HECTD2: variants seen among roughly 807,000 people sequenced by gnomAD.
HECTD2 encodes the protein probable E3 ubiquitin-protein ligase HECTD2.
A neutral mutation model predicts 103.2 loss-of-function variants in HECTD2; 35 were observed. That is an observed-to-expected ratio of 0.34 (90% CI 0.26 to 0.45). HECTD2 has a LOEUF of 0.45. Among genes scored for constraint, HECTD2 ranks in the 20% least tolerant of loss-of-function variants. The probability of loss-of-function intolerance (pLI) is 1.00; values close to 1 mark genes in which losing one functional copy is unlikely to be tolerated. For missense variants in HECTD2, 596 were observed against 937.4 expected (o/e 0.64, Z 4.76); for synonymous variants, 281 against 329.9 (o/e 0.85, Z 1.61).
At chr10:91,411,147 T>TG (rs981396766) in intron 1 of HECTD2, among the ~76,000 whole-genome samples, 13 of 152,148 alleles carry the variant, frequency 8.5e-5, no homozygotes, top group African/African-American at 1.2e-4. Context: ...GTGACTCAGG[T>TG]GGGGGGAGGC....
chr10:91,480,521 G>C (rs1192469854), intron 6 of HECTD2, among the ~76,000 whole-genome samples: 1 of 152,004 alleles, frequency 6.6e-6, no homozygotes, highest in Non-Finnish European at 1.5e-5. Context: ...AATAGATCTT[G>C]AGCAGGCAAG....
intron 5 of HECTD2, among the ~76,000 whole-genome samples, chr10:91,466,610 G>C (rs1301679997): frequency 6.6e-6 from 1 of 152,010 alleles, no homozygotes. Context: ...TTTTTCATTT[G>C]TTTTCCAAAG....
intron 2 of HECTD2, among the ~76,000 whole-genome samples, chr10:91,452,528 C>T (rs1294226763): frequency 6.6e-6 from 1 of 151,662 alleles, no homozygotes; most frequent in Non-Finnish European, 1.5e-5. Context: ...GGGCTCTGCT[C>T]TTTTGAATAG....
rs1177180993 is a variant in HECTD2 at position 91,429,026 on chromosome 10, G to A, written c.268+3616G>A. Among the ~76,000 whole-genome samples, 3 of 152,060 alleles carry A rather than the reference G, an allele frequency of 2.0e-5. No homozygotes were observed. In the East Asian group the frequency reaches 5.8e-4, roughly 29 times the overall value. ...ATTGGCTGTGGGTTTGTCATAGATA[G>A]CTCTTATTATTTTGAAATGTGTCCC... On this transcript the variant is annotated intron_variant, in intron 2 of 20. Coordinates refer to ENST00000298068, the MANE Select transcript of HECTD2 (RefSeq NM_182765.6).
intron 13 of HECTD2, among the ~76,000 whole-genome samples, chr10:91,493,127 T>G (rs1846539602): frequency 6.6e-6 from 1 of 151,686 alleles, no homozygotes; most frequent in Non-Finnish European, 1.5e-5. Context: ...ACTATACTTT[T>G]TATAAAGTTA....
chr10:91,480,052 C>T lies in HECTD2; in HGVS notation c.666-1042C>T, dbSNP rs1039683561. On this transcript the variant is annotated intron_variant, in intron 6 of 20. Coordinates refer to ENST00000298068, the MANE Select transcript of HECTD2 (RefSeq NM_182765.6). ...TTGTATTATATTTTCCTATATCTCA[C>T]GTTTCAGAAAATCAGTTACTAGACT... Among the ~76,000 whole-genome samples, 4 of 152,060 alleles carry T rather than the reference C, an allele frequency of 2.6e-5. No individual in the cohort carries two copies. The East Asian group carries it at 7.7e-4, about 29-fold the overall frequency.
chr10:91,468,377 C>T (rs1371115629), intron 5 of HECTD2, among the ~76,000 whole-genome samples: 1 of 152,072 alleles, frequency 6.6e-6, no homozygotes, highest in Non-Finnish European at 1.5e-5. Context: ...CCCACAAATG[C>T]ATCAAAGAAG....
intron 20 of HECTD2, among the ~76,000 whole-genome samples, chr10:91,509,276 A>T (rs145689336): frequency 0.011 from 1,733 of 152,010 alleles, 35 homozygotes; most frequent in African/African-American, 0.039. Flanking sequence ...AAGTATAATT[A>T]AAAAAAATAA....
chr10:91,491,352 A>C (rs1293441292), intron 12 of HECTD2, 45 bp downstream of exon 12: 1 of 865,512 alleles, frequency 1.2e-6, no homozygotes, highest in Non-Finnish European at 1.8e-6. Context: ...TTAAAATTCT[A>C]TAATATGATT....
chr10:91,428,041 A>G (rs1292383774), intron 2 of HECTD2, among the ~76,000 whole-genome samples: 2 of 151,670 alleles, frequency 1.3e-5, no homozygotes, highest in Admixed American at 6.6e-5. Context: ...TCCATCTCCA[A>G]TTAATTTTTG....
chr10:91,462,020 A>G (rs1441741340), intron 4 of HECTD2, 75 bp from the exon 5 acceptor site: 2 of 1,097,210 alleles, frequency 1.8e-6, no homozygotes, highest in Non-Finnish European at 1.3e-6. Flanking sequence ...TTATGAAGGA[A>G]TAGTATGGTT....
In HECTD2 at chr10:91,487,518, G is replaced by A; in HGVS notation, c.1095-164G>A. The A allele has an allele frequency of 3.0e-6, 2 of 674,494 alleles. No homozygotes were observed. Among genetic ancestry groups the A allele is most frequent in the Non-Finnish European group, 5.5e-6 (2 of 364,010 alleles). The allele number at this position is 674,494 out of a possible 1,614,324, so 41.8% of individuals were successfully genotyped here. The stretch of plus-strand genomic sequence containing the variant: ...GTAATGATACATTCTTCACATGGCT[G>A]TGAGAATTAAAAGAAATTATACACA... On this transcript the variant is annotated intron_variant, in intron 10 of 20. Coordinates refer to ENST00000298068, the MANE Select transcript of HECTD2 (RefSeq NM_182765.6). This position sits in a 1 kb window ranked among gnomAD's most constrained non-coding sequence, Gnocchi z 4.1.
intron 8 of HECTD2, among the ~76,000 whole-genome samples, chr10:91,483,900 C>G (rs1282359938): frequency 6.6e-6 from 1 of 151,906 alleles, no homozygotes; most frequent in Non-Finnish European, 1.5e-5. Context: ...TGAAGCTTCT[C>G]TAACATACAT....
chr10:91,418,972 T>C (rs1018238462), intron 1 of HECTD2, among the ~76,000 whole-genome samples: 2 of 152,170 alleles, frequency 1.3e-5, no homozygotes, highest in Admixed American at 1.3e-4. Context: ...CTTGGACTCA[T>C]TGAGACTAAA....
At chr10:91,473,004 AAGAC>A (rs1319648554) in intron 5 of HECTD2, among the ~76,000 whole-genome samples, 4 of 152,320 alleles carry the variant, frequency 2.6e-5, no homozygotes, top group African/African-American at 7.2e-5. Flanking sequence ...TAGAATAAGA[AAGAC>A]TAAACTTCAT....
In HECTD2 at chr10:91,477,197, A is replaced by T. The variant is rs564939812; in HGVS notation, c.601-1004A>T. Among the ~76,000 whole-genome samples the T allele has an allele frequency of 2.0e-3, 292 of 145,288 alleles. 1 individual carries two copies. Among genetic ancestry groups the T allele is most frequent in the Middle Eastern group, 0.013 (3 of 230 alleles). ...AGCGAGACTCCGTCTCAAAAAAAAAAAAAAACCCCTGCGGGTCCAATGCAG... is the reference window on the plus strand; with the variant it reads ...AGCGAGACTCCGTCTCAAAAAAAAATAAAAACCCCTGCGGGTCCAATGCAG... On this transcript the variant is annotated intron_variant, in intron 5 of 20. Coordinates refer to ENST00000298068, the MANE Select transcript of HECTD2 (RefSeq NM_182765.6).
chr10:91,468,744 T>C (rs1758543717), intron 5 of HECTD2, among the ~76,000 whole-genome samples: 3 of 151,986 alleles, frequency 2.0e-5, no homozygotes, highest in Non-Finnish European at 2.9e-5. Context: ...AAAACTCACT[T>C]CACAAATTTT....
At chr10:91,425,176 ACTCG>A (rs1327305173) in intron 1 of HECTD2, 101 bp from the exon 2 acceptor site, 2 of 917,140 alleles carry the variant, frequency 2.2e-6, no homozygotes, top group African/African-American at 3.4e-5. Flanking sequence ...TCTATTATCT[ACTCG>A]TCATCAAATT....
chr10:91,482,798 A>G (rs975430850), intron 7 of HECTD2, among the ~76,000 whole-genome samples, 169 bp from the exon 8 acceptor site: 5 of 152,000 alleles, frequency 3.3e-5, no homozygotes, highest in African/African-American at 4.8e-5. Context: ...TTCACTGTAT[A>G]GCCGCAGTGT....
Sources: gnomAD v4.1 joint callset for allele counts (sites outside exome capture counted in the v4.1 genomes callset) on GRCh38, gnomAD v4.1.1 for gene constraint, Gnocchi (gnomAD v3.1) non-coding constraint, MANE v1.5 for transcripts, NCBI Gene and HGNC (gene_info 2026-07-23, HGNC 2026-07-21) for gene names.